Variants in UNC5B observed in about 807,000 individuals in gnomAD.
UNC5B encodes unc-5 netrin receptor B.
A neutral mutation model predicts 103.7 loss-of-function variants in UNC5B; 56 were observed. The ratio of observed to expected loss-of-function variants is 0.54; its 90% CI spans 0.44 to 0.67. The LOEUF (loss-of-function observed/expected upper bound fraction) is 0.67, where lower values mean the gene tolerates loss of function less well. UNC5B is among the 30% of genes least tolerant of loss of function. UNC5B has a pLI of 0.00. For synonymous variants in UNC5B, 577 were observed against 542.0 expected, an observed-to-expected ratio of 1.06 and a Z score of -0.90; for missense variants, 1,194 against 1,284.5, an observed-to-expected ratio of 0.93 and a Z score of 1.08.
chr10:71,240,636 C>T (rs1029339033), intron 1 of UNC5B, among the ~76,000 whole-genome samples: 1 of 152,240 alleles, frequency 6.6e-6, no homozygotes, highest in African/African-American at 2.4e-5. Context: ...CAATGATTTC[C>T]TCCCGGCCCA....
chr10:71,226,459 T>C (rs1843566400), intron 1 of UNC5B, among the ~76,000 whole-genome samples: 1 of 152,230 alleles, frequency 6.6e-6, no homozygotes, highest in Admixed American at 6.5e-5. Flanking sequence ...AGACCCAAGA[T>C]CCCATCCTGT....
chr10:71,294,918 G>C (rs1034916126), intron 13 of UNC5B, among the ~76,000 whole-genome samples: 1 of 152,156 alleles, frequency 6.6e-6, no homozygotes, highest in Non-Finnish European at 1.5e-5. Flanking sequence ...GGCTCATCCT[G>C]ATGTAACCCT....
chr10:71,223,259 A>G (rs1185398163), intron 1 of UNC5B, among the ~76,000 whole-genome samples: 1 of 152,198 alleles, frequency 6.6e-6, no homozygotes, highest in Middle Eastern at 3.2e-3. Context: ...AAGGTACTGA[A>G]TAAATCTCTG....
rs188415949 is a variant in UNC5B at position 71,294,176 on chromosome 10, C to T, written c.2175+243C>T. Among the ~76,000 whole-genome samples the T allele has an allele frequency of 2.3e-3, 354 of 152,276 alleles. 1 individual carries two copies. Among genetic ancestry groups the T allele is most frequent in the Non-Finnish European group, 4.2e-3 (284 of 68,016 alleles). ...CTGAAGGCTCTGATGGGGTCTGCCC[C>T]AGGACTGAGGGAGCATCAGACTGGG... On this transcript the variant is annotated intron_variant, in intron 13 of 16. Transcript: ENST00000335350.
At chr10:71,234,059 CAG>C (rs1358865304) in intron 1 of UNC5B, among the ~76,000 whole-genome samples, 6 of 152,202 alleles carry the variant, frequency 3.9e-5, no homozygotes, top group East Asian at 1.9e-4. Context: ...TCAAGTTTCT[CAG>C]GGGCAGAGCC....
intron 1 of UNC5B, among the ~76,000 whole-genome samples, chr10:71,233,252 G>A (rs751912183): frequency 2.6e-5 from 4 of 152,202 alleles, no homozygotes; most frequent in Non-Finnish European, 4.4e-5. Context: ...AGGTTTTCAA[G>A]TGTGTCCTAG....
At chr10:71,285,222 A>G (rs889890586) in intron 3 of UNC5B, 104 bp from the exon 4 acceptor site, 10 of 1,221,194 alleles carry the variant, frequency 8.2e-6, no homozygotes, top group South Asian at 2.6e-5. Context: ...GGGCCCATCA[A>G]CAGTACCCTG....
At chr10:71,270,507 T>C (rs1406809138) in intron 1 of UNC5B, among the ~76,000 whole-genome samples, 2 of 152,084 alleles carry the variant, frequency 1.3e-5, no homozygotes, top group Non-Finnish European at 2.9e-5. Context: ...GGTTTCTCTC[T>C]TATGAGATCA....
rs1208822753 is a variant in UNC5B at position 71,293,898 on chromosome 10, G to C, written c.2140G>C (p.Val714Leu). 1.9e-6 allele frequency: 3 copies of C among 1,604,770 alleles called. No individual in the cohort carries two copies. The highest frequency in any genetic ancestry group is 2.5e-6 in the Non-Finnish European group (3 of 1,179,584). The change falls in exon 13 of 17, where the codon GTC becomes CTC. Residue 714 changes from valine (V) to leucine (L), a missense_variant. Val to Leu is a conservative substitution (Grantham distance 32). Coordinates refer to ENST00000335350, the MANE Select transcript of UNC5B (RefSeq NM_170744.5). ...CACCTCCCTGGAGTACAGCCTCCGG[G>C]TCTACTGCCTGGAGGACACGCCTGT... ...LCTSLEYSLR[V>L]YCLEDTPVAL...
intron 1 of UNC5B, among the ~76,000 whole-genome samples, chr10:71,233,292 C>A (rs924786167): frequency 1.3e-5 from 2 of 152,092 alleles, no homozygotes; most frequent in Non-Finnish European, 2.9e-5. Flanking sequence ...CTGAGGTGGC[C>A]CCATCCCGGG....
In UNC5B at chr10:71,301,383, C is replaced by T. The variant is rs1845581510; in HGVS notation, c.*2106C>T. On this transcript the variant is annotated 3_prime_UTR_variant, in exon 17 of 17. Coordinates refer to ENST00000335350, the MANE Select transcript of UNC5B (RefSeq NM_170744.5). ...AGATTTGAGAGAAGATTCCTTCTACCAGGGCTGCTGAGGGGCCAGGCCTGC... is the reference window on the plus strand; with the variant it reads ...AGATTTGAGAGAAGATTCCTTCTACTAGGGCTGCTGAGGGGCCAGGCCTGC... 6.6e-6 allele frequency: 1 copy of T among 152,292 alleles called. No homozygotes were observed. Among genetic ancestry groups the T allele is most frequent in the Non-Finnish European group, 1.5e-5 (1 of 68,092 alleles). 9.4% of individuals were successfully genotyped at this position (152,292 alleles called of 1,614,324 possible).
At chr10:71,247,422 G>T (rs1428610325) in intron 1 of UNC5B, among the ~76,000 whole-genome samples, 2 of 152,228 alleles carry the variant, frequency 1.3e-5, no homozygotes, top group Non-Finnish European at 2.9e-5. Flanking sequence ...CTCCACCCCT[G>T]CCCCTACCTG....
At position 71,226,994 on chromosome 10, in the gene UNC5B, T is replaced by TC. The variant is rs1396023157; in HGVS notation, c.79+13930_79+13931insC. On this transcript the variant is annotated intron_variant, in intron 1 of 16. Transcript: ENST00000335350. ...TGGAGACCATTCTTCTTTTTTTTTTTTTTTCCTTGAAACGGAGTCTTGCTC... is the reference window on the plus strand; with the variant it reads ...TGGAGACCATTCTTCTTTTTTTTTTTCTTTTCCTTGAAACGGAGTCTTGCTC... Among the ~76,000 whole-genome samples the TC allele has an allele frequency of 7.9e-5, 12 of 151,782 alleles. 1 individual carries two copies. The highest frequency in any genetic ancestry group is 1.5e-4 in the Non-Finnish European group (10 of 67,928).
In UNC5B at chr10:71,291,469, C is replaced by G. The variant is rs1424963170; in HGVS notation, c.1332C>G (p.Asp444Glu). ...TCCTACACCCCTCTGTGCCTCCTGA[C>G]CTGACAGCCAGCGCCGGCATCTACC... The part of the protein sequence containing the change: ...PQLLHPSVPP[D>E]LTASAGIYRG... Residue 444 changes from aspartate to glutamate, a missense_variant, in exon 10 of 17, where the codon GAC (aspartate) becomes GAG (glutamate). Asp to Glu is a conservative substitution (Grantham distance 45). Transcript: ENST00000335350. 6.2e-7 allele frequency: 1 copy of G among 1,613,534 alleles called. No homozygotes were observed. The highest frequency in any genetic ancestry group is 8.5e-7 in the Non-Finnish European group (1 of 1,179,706).
Position 71,250,345 on chromosome 10 carries a change from A to G in UNC5B, c.80-29476A>G, listed in dbSNP as rs944979560. Among the ~76,000 whole-genome samples the G allele has an allele frequency of 5.5e-4, 84 of 152,152 alleles. 2 individuals are homozygous for G. Among genetic ancestry groups the G allele is most frequent in the African/African-American group, 1.9e-3 (78 of 41,404 alleles). The stretch of plus-strand genomic sequence containing the variant: ...TAGGCCCCTTCTGGAAGTCCCCATC[A>G]TTGCCCCTCTCCCAGCCTTGGCCTC... On this transcript the variant is annotated intron_variant, in intron 1 of 16. Transcript: ENST00000335350.
chr10:71,246,455 G>A (rs575854177), intron 1 of UNC5B, among the ~76,000 whole-genome samples: 2 of 152,152 alleles, frequency 1.3e-5, no homozygotes, highest in Non-Finnish European at 2.9e-5. Flanking sequence ...GAAGCACCCT[G>A]TGGGCTCTCT....
At position 71,286,994 on chromosome 10, in the gene UNC5B, A is replaced by G. The variant is rs546195378; in HGVS notation, c.733+125A>G. 3.0e-6 allele frequency: 4 copies of G among 1,318,454 alleles called. No homozygotes were observed. The East Asian group carries it at 7.2e-5, about 24-fold the overall frequency. 81.7% of individuals were successfully genotyped at this position (1,318,454 alleles called of 1,614,324 possible). A position where few individuals can be genotyped will look rare whatever the true frequency, so the allele number is the denominator to read the frequency against. Reference sequence around the variant, plus strand: ...CCAGAGAGGGGAAGTGAATTGACCAAGATCACAACACAGCAGAATTCATGG... The same window carrying G: ...CCAGAGAGGGGAAGTGAATTGACCAGGATCACAACACAGCAGAATTCATGG... On this transcript the variant is annotated intron_variant, in intron 5 of 16. Transcript: ENST00000335350.
chr10:71,242,785 T>C (rs984077184), intron 1 of UNC5B, among the ~76,000 whole-genome samples: 4 of 151,916 alleles, frequency 2.6e-5, no homozygotes, highest in African/African-American at 9.7e-5. Context: ...GTGTTGGAGG[T>C]GTCTTTATGA....
intron 1 of UNC5B, among the ~76,000 whole-genome samples, chr10:71,242,768 C>T (rs1697864046): frequency 1.3e-5 from 2 of 152,220 alleles, no homozygotes; most frequent in Admixed American, 6.5e-5. Context: ...CAGAATCTCA[C>T]ACACACGTGT....
Sources: gnomAD v4.1 joint callset for allele counts (sites outside exome capture counted in the v4.1 genomes callset) on GRCh38, gnomAD v4.1.1 for gene constraint, MANE v1.5 for transcripts, NCBI Gene and HGNC (gene_info 2026-07-23, HGNC 2026-07-21) for gene names.